The following IQCJ variants were observed in gnomAD, a reference collection of about 807,000 sequenced individuals.
IQCJ encodes the protein IQ domain-containing protein J.
IQCJ carries 9 observed loss-of-function variants against 11.0 expected under a neutral mutation model. That is an observed-to-expected ratio of 0.82 (90% CI 0.49 to 1.43). The LOEUF is 1.43. Among genes scored for constraint, IQCJ ranks in the 40% most tolerant of loss-of-function variants. The pLI, the probability that IQCJ is intolerant of heterozygous loss-of-function variation, is 0.00. For missense variants in IQCJ, 146 were observed against 133.2 expected (o/e 1.10, Z -0.47); for synonymous variants, 55 against 51.3 (o/e 1.07, Z -0.31).
At chr3:159,090,733 G>A (rs1433874997) in intron 1 of IQCJ, among the ~76,000 whole-genome samples, 1 of 151,854 alleles carries the variant, frequency 6.6e-6, no homozygotes, top group African/African-American at 2.4e-5. Flanking sequence ...GGGACAGCCA[G>A]GCCTCTCCCT....
intron 1 of IQCJ, among the ~76,000 whole-genome samples, chr3:159,134,373 G>A (rs370009893): frequency 3.3e-5 from 5 of 152,260 alleles, no homozygotes; most frequent in South Asian, 2.1e-4. Flanking sequence ...ACACAAGAGC[G>A]TGAACACCAG....
chr3:159,091,674 G>GCGCGCGCACA lies in IQCJ; in HGVS notation c.9+22234_9+22235insGCGCGCACAC, dbSNP rs1309106648. Among the ~76,000 whole-genome samples the GCGCGCGCACA allele has an allele frequency of 1.7e-3, 138 of 81,312 alleles. 7 individuals are homozygous for GCGCGCGCACA. The highest frequency in any genetic ancestry group is 0.01 in the African/African-American group (125 of 12,084). The allele number at this position is 81,312 out of a possible 152,430, so 53.3% of individuals were successfully genotyped here. A position where few individuals can be genotyped will look rare whatever the true frequency, so the allele number is the denominator to read the frequency against. On this transcript the variant is annotated intron_variant, in intron 1 of 3. Transcript: ENST00000397832. ...CACACACACACACACACACACGCAT[G>GCGCGCGCACA]CACACACACACACACACACACACAC...
At chr3:159,167,533 T>A (rs1405080452) in intron 1 of IQCJ, among the ~76,000 whole-genome samples, 2 of 152,222 alleles carry the variant, frequency 1.3e-5, no homozygotes, top group African/African-American at 4.8e-5. Context: ...ATGTTGTCCT[T>A]TACAGATAAC....
intron 1 of IQCJ, among the ~76,000 whole-genome samples, chr3:159,085,952 T>C (rs1367724591): frequency 6.6e-6 from 1 of 152,144 alleles, no homozygotes; most frequent in Admixed American, 6.5e-5. Context: ...TTGGCTTTTG[T>C]TGCTATTGCT....
intron 1 of IQCJ, among the ~76,000 whole-genome samples, chr3:159,094,482 A>C (rs2108089619): frequency 9.2e-6 from 1 of 109,232 alleles, no homozygotes; most frequent in Non-Finnish European, 1.8e-5. Flanking sequence ...GTCCATGATA[A>C]TTTCTTTGAT....
rs556711598 is a variant in IQCJ at position 159,166,673 on chromosome 3, G to A, written c.10-79170G>A. 1.5e-4 allele frequency among the ~76,000 whole-genome samples: 23 copies of A among 152,274 alleles called. No homozygotes were observed. In the South Asian group the frequency reaches 4.8e-3, roughly 32 times the overall value. ...CGGGAGCATTTAAATATATTTATCA[G>A]ATTTTCTTCTGTGTGGAGGCTGGAG... On this transcript the variant is annotated intron_variant, in intron 1 of 3. Transcript: ENST00000397832.
rs117415201 is a variant in IQCJ at position 159,080,075 on chromosome 3, C to T, written c.9+10634C>T. On this transcript the variant is annotated intron_variant, in intron 1 of 3. Transcript: ENST00000397832. ...ACCTTTACAATAGACTGTATTGCTG[C>T]ACCAGAAATAAAGAAGATTTCTTGC... 1.5e-3 allele frequency among the ~76,000 whole-genome samples: 222 copies of T among 152,188 alleles called. 1 individual carries two copies. In the East Asian group the frequency reaches 0.025, roughly 17 times the overall value.
chr3:159,200,221 G>A (rs1244710168), intron 1 of IQCJ, among the ~76,000 whole-genome samples: 11 of 151,278 alleles, frequency 7.3e-5, no homozygotes, highest in East Asian at 2.0e-4. Context: ...GAGATTCATA[G>A]CTGGTTATTG....
At chr3:159,227,903 G>C (rs986192544) in intron 1 of IQCJ, among the ~76,000 whole-genome samples, 1 of 152,180 alleles carries the variant, frequency 6.6e-6, no homozygotes, top group Non-Finnish European at 1.5e-5. Context: ...AAGAGATAGG[G>C]GTAAAGAATG....
At chr3:159,222,809 G>A (rs927750075) in intron 1 of IQCJ, among the ~76,000 whole-genome samples, 20 of 150,046 alleles carry the variant, frequency 1.3e-4, no homozygotes, top group Non-Finnish European at 2.1e-4. Context: ...CATATTGTAC[G>A]CCTTAATACA....
Position 159,069,438 on chromosome 3 carries a change from T to C in IQCJ, c.6T>C (p.Arg2=), listed in dbSNP as rs1438455469. M[R]LEELKRLQNP... is the part of the protein sequence containing the mutation. ...GGTGTTCCAGAAACTTCAAAATGCG[T>C]CTGGTAATGTATTTGCTTTTCTAAA... is the stretch of plus-strand genomic sequence containing the variant. Residue 2 remains arginine, a synonymous_variant, in exon 1 of 4, where the codon CGT becomes CGC. Transcript: ENST00000397832. 6.2e-7 allele frequency: 1 copy of C among 1,609,078 alleles called. No individual in the cohort carries two copies. The highest frequency in any genetic ancestry group is 1.1e-5 in the South Asian group (1 of 90,252).
At chr3:159,252,898 A>G (rs1727685918) in intron 3 of IQCJ, 91 bp downstream of exon 3, 1 of 1,252,056 alleles carries the variant, frequency 8.0e-7, no homozygotes, top group Non-Finnish European at 1.1e-6. Flanking sequence ...ACAGTTATGC[A>G]TCTTTATTTT....
At chr3:159,260,230 G>C (rs945415039) in intron 3 of IQCJ, among the ~76,000 whole-genome samples, 1 of 151,990 alleles carries the variant, frequency 6.6e-6, no homozygotes, top group East Asian at 1.9e-4. Context: ...AATGTTATTT[G>C]GTTCTTTAGA....
chr3:159,265,678 C>T (rs139447669), downstream of IQCJ: 305 of 278,782 alleles, frequency 1.1e-3, 1 homozygote, highest in African/African-American at 6.1e-3. Flanking sequence ...TTTCTATCTT[C>T]TCATATCTGA....
At chr3:159,191,090 G>A (rs1169023450) in intron 1 of IQCJ, among the ~76,000 whole-genome samples, 2 of 152,148 alleles carry the variant, frequency 1.3e-5, no homozygotes, top group Non-Finnish European at 2.9e-5. Context: ...AATTGGAGTG[G>A]GGAAAACGCA....
intron 1 of IQCJ, among the ~76,000 whole-genome samples, chr3:159,162,423 G>A (rs979050317): frequency 6.6e-6 from 1 of 152,154 alleles, no homozygotes; most frequent in Non-Finnish European, 1.5e-5. Context: ...AGCTTAAGGA[G>A]ATTTTGGGCT....
chr3:159,078,898 G>A (rs1716121999), intron 1 of IQCJ, among the ~76,000 whole-genome samples: 1 of 152,046 alleles, frequency 6.6e-6, no homozygotes, highest in African/African-American at 2.4e-5. Context: ...ATGAAATAAT[G>A]TGTGAAAAGT....
At chr3:159,258,087 T>C (rs935217193) in intron 3 of IQCJ, among the ~76,000 whole-genome samples, 2 of 152,130 alleles carry the variant, frequency 1.3e-5, no homozygotes, top group Non-Finnish European at 2.9e-5. Context: ...ACCCGGGCGA[T>C]TGGGCAAGGT....
At chr3:159,148,912 A>T (rs990860943) in intron 1 of IQCJ, among the ~76,000 whole-genome samples, 2 of 152,194 alleles carry the variant, frequency 1.3e-5, no homozygotes, top group African/African-American at 4.8e-5. Context: ...CAACAATACC[A>T]TAATTAAGAA....
Sources: gnomAD v4.1 joint callset for allele counts (sites outside exome capture counted in the v4.1 genomes callset) on GRCh38, gnomAD v4.1.1 for gene constraint, MANE v1.5 for transcripts, NCBI Gene and HGNC (gene_info 2026-07-23, HGNC 2026-07-21) for gene names.